Variants in FHIT observed in about 807,000 individuals in gnomAD.
FHIT encodes fragile histidine triad diadenosine triphosphatase, also known as bis(5'-adenosyl)-triphosphatase.
A neutral mutation model predicts 17.9 loss-of-function variants in FHIT; 19 were observed. The observed-to-expected ratio is 1.06, with a 90% CI of 0.74 to 1.56. FHIT has a LOEUF of 1.56. Among genes scored for constraint, FHIT ranks in the 40% most tolerant of loss-of-function variants. FHIT has a pLI of 0.00. For missense variants in FHIT, 248 were observed against 189.2 expected, an observed-to-expected ratio of 1.31 and a Z score of -1.82; for synonymous variants, 81 against 69.7, an observed-to-expected ratio of 1.16 and a Z score of -0.81.
chr3:59,762,242 T>C (rs1043127264), intron 8 of FHIT, among the ~76,000 whole-genome samples: 1 of 152,190 alleles, frequency 6.6e-6, no homozygotes, highest in South Asian at 2.1e-4. Flanking sequence ...TGAAAACTTA[T>C]GAATTGTTTA....
chr3:59,757,353 T>G (rs1468813702), intron 8 of FHIT, among the ~76,000 whole-genome samples: 1 of 152,220 alleles, frequency 6.6e-6, no homozygotes, highest in Non-Finnish European at 1.5e-5. Context: ...GTCATCCCAC[T>G]TTATCTGCTA....
intron 8 of FHIT, among the ~76,000 whole-genome samples, chr3:59,837,812 C>G (rs1009324467): frequency 6.6e-6 from 1 of 152,104 alleles, no homozygotes; most frequent in Non-Finnish European, 1.5e-5. Context: ...TACAAAACCT[C>G]TCTGCACTGT....
chr3:59,896,519 AAC>A (rs1314788619), intron 8 of FHIT, among the ~76,000 whole-genome samples: 6 of 152,328 alleles, frequency 3.9e-5, no homozygotes, highest in South Asian at 2.1e-4. Context: ...AAATTAAATT[AAC>A]AGTTTGTTAG....
At chr3:60,663,783 T>C (rs1227155998) in intron 4 of FHIT, among the ~76,000 whole-genome samples, 1 of 152,186 alleles carries the variant, frequency 6.6e-6, no homozygotes, top group Non-Finnish European at 1.5e-5. Context: ...TTGTAATTGA[T>C]ACACTGTTTT....
At chr3:59,908,534 G>T (rs1704691627) in intron 8 of FHIT, among the ~76,000 whole-genome samples, 1 of 152,148 alleles carries the variant, frequency 6.6e-6, no homozygotes, top group South Asian at 2.1e-4. Flanking sequence ...TTCCTTACGG[G>T]TATCAGAATG....
At chr3:60,038,955 C>T (rs1313784759) in intron 5 of FHIT, among the ~76,000 whole-genome samples, 1 of 152,114 alleles carries the variant, frequency 6.6e-6, no homozygotes, top group African/African-American at 2.4e-5. Context: ...CTTATGGTTT[C>T]TGGAGGGGGT....
intron 3 of FHIT, among the ~76,000 whole-genome samples, chr3:61,008,678 T>A (rs1468176740): frequency 6.6e-6 from 1 of 152,158 alleles, no homozygotes; most frequent in Non-Finnish European, 1.5e-5. Flanking sequence ...CCTGTAAATC[T>A]AACGTGGACA....
At chr3:61,073,414 C>G (rs1020562849) in intron 2 of FHIT, among the ~76,000 whole-genome samples, 1 of 152,198 alleles carries the variant, frequency 6.6e-6, no homozygotes, top group African/African-American at 2.4e-5. Context: ...ACATCCCAGG[C>G]TGAACAACCT....
At chr3:60,059,095 C>T (rs1022064331) in intron 5 of FHIT, among the ~76,000 whole-genome samples, 13 of 152,124 alleles carry the variant, frequency 8.5e-5, no homozygotes, top group African/African-American at 2.9e-4. Flanking sequence ...AGGAAAGCCA[C>T]GCTACCATCA....
At chr3:60,729,214 A>G (rs2041978566) in intron 4 of FHIT, among the ~76,000 whole-genome samples, 2 of 152,196 alleles carry the variant, frequency 1.3e-5, no homozygotes, top group African/African-American at 4.8e-5. Flanking sequence ...TCAGAAATCC[A>G]GATTTTTCCA....
At chr3:60,791,952 T>C (rs567773183) in intron 4 of FHIT, among the ~76,000 whole-genome samples, 1 of 152,346 alleles carries the variant, frequency 6.6e-6, no homozygotes, top group South Asian at 2.1e-4. Context: ...TTCAATTGTA[T>C]ACACACCTCC....
At chr3:60,353,130 A>G (rs2106952454) in intron 5 of FHIT, among the ~76,000 whole-genome samples, 1 of 152,284 alleles carries the variant, frequency 6.6e-6, no homozygotes, top group South Asian at 2.1e-4. Context: ...ATATTATTTT[A>G]CCAACTTCAA....
intron 4 of FHIT, among the ~76,000 whole-genome samples, chr3:60,735,419 C>T (rs1260329781): frequency 1.3e-5 from 2 of 152,118 alleles, no homozygotes; most frequent in East Asian, 1.9e-4. Flanking sequence ...TGTATTTCAC[C>T]GATGAATGAT....
chr3:60,967,784 A>G (rs1709817914), intron 3 of FHIT, among the ~76,000 whole-genome samples: 1 of 152,216 alleles, frequency 6.6e-6, no homozygotes, highest in Non-Finnish European at 1.5e-5. Flanking sequence ...GACTTTCACT[A>G]TTTATAATTA....
chr3:60,252,892 G>T, intron 5 of FHIT, among the ~76,000 whole-genome samples: 1 of 151,924 alleles, frequency 6.6e-6, no homozygotes, highest in South Asian at 2.1e-4. Flanking sequence ...CAGCTACTCG[G>T]GAGGCTGAGG....
intron 3 of FHIT, among the ~76,000 whole-genome samples, chr3:60,941,452 T>C (rs1553774508): frequency 6.6e-6 from 1 of 152,234 alleles, no homozygotes; most frequent in African/African-American, 2.4e-5. Flanking sequence ...GCTAACTTTA[T>C]ACATCCTTTC....
intron 7 of FHIT, among the ~76,000 whole-genome samples, chr3:59,993,653 C>A (rs186786992): frequency 6.6e-6 from 1 of 151,836 alleles, no homozygotes; most frequent in African/African-American, 2.4e-5. Context: ...GAGGTTATTA[C>A]CCACTTTCTG....
chr3:59,754,045 T>C (rs1246484738), intron 8 of FHIT, among the ~76,000 whole-genome samples: 3 of 151,942 alleles, frequency 2.0e-5, no homozygotes, highest in Non-Finnish European at 2.9e-5. Flanking sequence ...ACTTTTGCTA[T>C]CTCAGGCCCC....
chr3:61,061,150 A>G (rs1048388291), intron 2 of FHIT, among the ~76,000 whole-genome samples: 1 of 152,236 alleles, frequency 6.6e-6, no homozygotes, highest in Non-Finnish European at 1.5e-5. Context: ...TCAGGAGAGA[A>G]CAGATAAGGT....
Sources: gnomAD v4.1 joint callset for allele counts (sites outside exome capture counted in the v4.1 genomes callset) on GRCh38, gnomAD v4.1.1 for gene constraint, MANE v1.5 for transcripts, NCBI Gene and HGNC (gene_info 2026-07-23, HGNC 2026-07-21) for gene names.